Variants in EFNA5 observed in about 807,000 individuals in gnomAD.
The protein encoded by EFNA5 is ephrin-A5.
Under a neutral mutation model 22.9 loss-of-function variants are expected in EFNA5, and 5 were observed. The ratio of observed to expected loss-of-function variants is 0.22; its 90% confidence interval spans 0.11 to 0.46. The LOEUF (loss-of-function observed/expected upper bound fraction) is 0.46. Ranked by LOEUF, EFNA5 falls within the 20% of genes least tolerant of loss-of-function variation. EFNA5 has a pLI of 0.99. For missense variants in EFNA5, 237 were observed against 293.3 expected (o/e 0.81, Z 1.40); for synonymous variants, 113 against 112.2 (o/e 1.01, Z -0.04).
At chr5:107,521,688 C>T (rs1208828880) in intron 1 of EFNA5, among the ~76,000 whole-genome samples, 1 of 152,000 alleles carries the variant, frequency 6.6e-6, no homozygotes, top group African/African-American at 2.4e-5. Flanking sequence ...AGATACTGTA[C>T]TGCATATCGC....
In EFNA5 at chr5:107,488,754, C is replaced by T. The variant is rs536709273; in HGVS notation, c.126-61245G>A. Among the ~76,000 whole-genome samples the T allele has an allele frequency of 9.1e-4, 139 of 152,226 alleles. 1 individual carries two copies. The highest frequency in any genetic ancestry group is 1.2e-3 in the South Asian group (6 of 4,826). On this transcript the variant is annotated intron_variant, in intron 1 of 4. Transcript: ENST00000333274. ...TCGCCCAGGCTACAGTGCAATGGCA[C>T]GATCTCAAATCACTGCAACCTCTGC...
chr5:107,662,672 A>C lies in EFNA5; in HGVS notation c.125+7817T>G, dbSNP rs1342470977. 2.0e-5 allele frequency among the ~76,000 whole-genome samples: 3 copies of C among 152,044 alleles called. No homozygotes were observed. In the East Asian group the frequency reaches 5.8e-4, roughly 29 times the overall value. On this transcript the variant is annotated intron_variant, in intron 1 of 4. Coordinates refer to ENST00000333274, the MANE Select transcript of EFNA5 (RefSeq NM_001962.3). ...GATAGGAAGAGCCTATATTTCAGAG[A>C]CAAAAAGGCTCTGACTTAATATAAC...
intron 1 of EFNA5, among the ~76,000 whole-genome samples, chr5:107,485,529 C>T (rs547196319): frequency 2.6e-5 from 4 of 152,202 alleles, no homozygotes; most frequent in Admixed American, 2.0e-4. Context: ...AGAATTGGTC[C>T]TTGAGAAAGA....
chr5:107,408,434 G>T (rs1183882463), intron 2 of EFNA5, among the ~76,000 whole-genome samples: 1 of 151,954 alleles, frequency 6.6e-6, no homozygotes, highest in Admixed American at 6.6e-5. Context: ...AATGCTCTAG[G>T]GCTATTGAAA....
Position 107,423,899 on chromosome 5 carries a change from A to G in EFNA5, c.418+3318T>C, listed in dbSNP as rs547299258. On this transcript the variant is annotated intron_variant, in intron 2 of 4. Coordinates refer to ENST00000333274, the MANE Select transcript of EFNA5 (RefSeq NM_001962.3). ...ATGTTTTATTTTTAAAGTAAATTGGAAACTTCATTTAGGATATTTTCAACT... is the reference window on the plus strand; with the variant it reads ...ATGTTTTATTTTTAAAGTAAATTGGGAACTTCATTTAGGATATTTTCAACT... Among the ~76,000 whole-genome samples the G allele has an allele frequency of 6.4e-4, 97 of 152,314 alleles. 1 individual carries two copies. The highest frequency in any genetic ancestry group is 2.1e-3 in the African/African-American group (89 of 41,562).
intron 2 of EFNA5, among the ~76,000 whole-genome samples, chr5:107,406,080 T>C (rs1381085419): frequency 1.8e-5 from 2 of 114,064 alleles, no homozygotes; most frequent in Non-Finnish European, 3.8e-5. Context: ...ATAGAATGTA[T>C]ACAAATACCT....
At chr5:107,433,020 A>G (rs999072298) in intron 1 of EFNA5, among the ~76,000 whole-genome samples, 35 of 152,240 alleles carry the variant, frequency 2.3e-4, no homozygotes, top group Non-Finnish European at 1.2e-4. Flanking sequence ...CTTGATTATA[A>G]GAATATAGTA....
At chr5:107,405,566 CATCT>C (rs1280260769) in intron 2 of EFNA5, among the ~76,000 whole-genome samples, 1 of 152,022 alleles carries the variant, frequency 6.6e-6, no homozygotes, top group Non-Finnish European at 1.5e-5. Context: ...TTTTCTATAC[CATCT>C]GTTTGCCAAA....
At chr5:107,460,750 G>T (rs796430676) in intron 1 of EFNA5, among the ~76,000 whole-genome samples, 2 of 152,218 alleles carry the variant, frequency 1.3e-5, no homozygotes, top group African/African-American at 4.8e-5. Context: ...AACCTTAAAG[G>T]TTCATCAGAG....
intron 1 of EFNA5, among the ~76,000 whole-genome samples, chr5:107,604,215 C>A (rs529413613): frequency 1.3e-5 from 2 of 152,300 alleles, no homozygotes; most frequent in African/African-American, 4.8e-5. Flanking sequence ...GGGTCTACCT[C>A]TGCCACCTAG....
intron 2 of EFNA5, among the ~76,000 whole-genome samples, chr5:107,403,875 A>G (rs1748148369): frequency 6.6e-6 from 1 of 152,228 alleles, no homozygotes; most frequent in African/African-American, 2.4e-5. Context: ...TTTTAAAAGG[A>G]AAATAAACCT....
At chr5:107,458,690 G>C (rs973240719) in intron 1 of EFNA5, among the ~76,000 whole-genome samples, 78 of 152,208 alleles carry the variant, frequency 5.1e-4, no homozygotes, top group South Asian at 4.1e-4. Context: ...TCAATTATTT[G>C]CTTAAATCGT....
intron 1 of EFNA5, among the ~76,000 whole-genome samples, chr5:107,560,129 T>C (rs557272390): frequency 1.7e-4 from 26 of 152,370 alleles, no homozygotes; most frequent in Admixed American, 7.8e-4. Context: ...AAGCTTCTTA[T>C]GCTGAAAGTT....
intron 1 of EFNA5, among the ~76,000 whole-genome samples, chr5:107,508,409 G>A (rs1747296325): frequency 6.6e-6 from 1 of 152,182 alleles, no homozygotes; most frequent in Non-Finnish European, 1.5e-5. Context: ...ACAGACGAAT[G>A]TCATCAGAGT....
chr5:107,528,553 T>C (rs1747745838), intron 1 of EFNA5, among the ~76,000 whole-genome samples: 1 of 152,140 alleles, frequency 6.6e-6, no homozygotes, highest in South Asian at 2.1e-4. Context: ...TTTAAAGCAA[T>C]AGTCTCAAAA....
chr5:107,640,046 G>A (rs1200124077), intron 1 of EFNA5, among the ~76,000 whole-genome samples: 2 of 152,210 alleles, frequency 1.3e-5, no homozygotes, highest in East Asian at 3.8e-4. Context: ...TAGGAGGTTT[G>A]GGATATGCCT....
At chr5:107,464,442 A>C (rs2112459049) in intron 1 of EFNA5, among the ~76,000 whole-genome samples, 1 of 152,284 alleles carries the variant, frequency 6.6e-6, no homozygotes, top group South Asian at 2.1e-4. Context: ...TGCTGCTTCA[A>C]AATCGATTGT....
At chr5:107,606,113 T>C (rs1331771698) in intron 1 of EFNA5, among the ~76,000 whole-genome samples, 6 of 152,178 alleles carry the variant, frequency 3.9e-5, no homozygotes, top group Non-Finnish European at 7.3e-5. Flanking sequence ...ATCCAGCTAC[T>C]CAAGTATTGC....
At chr5:107,476,735 TTCTC>T (rs34563371) in intron 1 of EFNA5, among the ~76,000 whole-genome samples, 18 of 148,208 alleles carry the variant, frequency 1.2e-4, no homozygotes, top group South Asian at 6.5e-4. Flanking sequence ...TTTTTTCTCT[TTCTC>T]TCTCTCTCTC....
Sources: gnomAD v4.1 joint callset for allele counts (sites outside exome capture counted in the v4.1 genomes callset) on GRCh38, gnomAD v4.1.1 for gene constraint, MANE v1.5 for transcripts, NCBI Gene and HGNC (gene_info 2026-07-23, HGNC 2026-07-21) for gene names.